Variants in ELF1 observed in about 807,000 individuals in gnomAD.
ELF1 encodes the protein ETS-related transcription factor Elf-1.
In ELF1, 24 loss-of-function variants were observed where a neutral mutation model predicts 59.9. The ratio of observed to expected loss-of-function variants is 0.40; its 90% CI spans 0.29 to 0.56. ELF1 has a LOEUF of 0.56. Ranked by LOEUF, ELF1 falls within the 20% of genes least tolerant of loss-of-function variation. The pLI is 0.44. For missense variants in ELF1, 627 were observed against 742.2 expected, an observed-to-expected ratio of 0.84 and a Z score of 1.80; for synonymous variants, 248 against 266.2, an observed-to-expected ratio of 0.93 and a Z score of 0.67.
chr13:40,988,629 G>A (rs907522910), intron 1 of ELF1, among the ~76,000 whole-genome samples: 1 of 152,224 alleles, frequency 6.6e-6, no homozygotes, highest in African/African-American at 2.4e-5. Context: ...AAGTCTTAGA[G>A]TTTTACTATT....
intron 1 of ELF1, among the ~76,000 whole-genome samples, chr13:41,045,384 G>C (rs1225684441): frequency 2.6e-5 from 4 of 151,942 alleles, no homozygotes; most frequent in African/African-American, 9.7e-5. Flanking sequence ...GTGATGTTAG[G>C]GTGTCAATTT....
chr13:40,982,165 G>T lies in ELF1; in HGVS notation c.-111C>A. 7.1e-7 allele frequency: 1 copy of T among 1,413,326 alleles called. No individual in the cohort carries two copies. The highest frequency in any genetic ancestry group is 1.5e-5 in the African/African-American group (1 of 68,316). 87.5% of individuals were successfully genotyped at this position (1,413,326 alleles called of 1,614,324 possible). ...TAAAAAACCCTCAGCTCTGTCTGTG[G>T]AGTAATTGTATACCCAAGTTTTCTT... On this transcript the variant is annotated 5_prime_UTR_variant, in exon 2 of 9. Coordinates refer to ENST00000239882, the MANE Select transcript of ELF1 (RefSeq NM_172373.4).
At position 40,951,343 on chromosome 13, in the gene ELF1, T is replaced by C. The variant is rs778071991; in HGVS notation, c.347A>G (p.Asp116Gly). ...LNMDSPGPML[D>G]EKRINNNIFS... ...TAATCACTCACTTATTCGTTTTTCA[T>C]CCAGCATAGGGCCAGGGGAATCCAT... Residue 116 changes from aspartate (D) to glycine (G), a missense_variant, in exon 4 of 9, where the codon GAT becomes GGT. Around this residue, in one of 3 missense-constraint regions of ELF1, gnomAD observed 232 missense variants for 269.2 expected, o/e 0.86. Transcript: ENST00000239882. 2.0e-5 allele frequency: 32 copies of C among 1,610,718 alleles called. No individual in the cohort carries two copies. In the Middle Eastern group the frequency reaches 9.9e-4, roughly 50 times the overall value.
chr13:40,968,483 C>T (rs966999936), intron 2 of ELF1, among the ~76,000 whole-genome samples: 2 of 152,176 alleles, frequency 1.3e-5, no homozygotes, highest in African/African-American at 4.8e-5. Context: ...TAGTGCCCCT[C>T]CTCAATGGTT....
At chr13:41,056,514 A>G (rs1442729193) in intron 1 of ELF1, among the ~76,000 whole-genome samples, 2 of 152,230 alleles carry the variant, frequency 1.3e-5, no homozygotes, top group East Asian at 3.9e-4. Context: ...ATACTGGATC[A>G]TATGGTAACT....
intron 1 of ELF1, among the ~76,000 whole-genome samples, chr13:41,045,888 A>G (rs1359029380): frequency 4.6e-5 from 7 of 152,212 alleles, no homozygotes; most frequent in Non-Finnish European, 8.8e-5. Context: ...GTGGGGTGCT[A>G]AAGTCTCCCA....
chr13:41,041,682 A>G (rs188021178), intron 1 of ELF1, among the ~76,000 whole-genome samples: 38 of 151,242 alleles, frequency 2.5e-4, no homozygotes, highest in South Asian at 1.0e-3. Flanking sequence ...TTCCAGGGGG[A>G]AAAAAAAAGG....
At chr13:40,959,132 G>A in intron 2 of ELF1, 116 bp from the exon 3 acceptor site, 1 of 1,344,762 alleles carries the variant, frequency 7.4e-7, no homozygotes, top group Non-Finnish European at 9.8e-7. Context: ...TAGATCATCA[G>A]GCTGTATCTC....
intron 1 of ELF1, among the ~76,000 whole-genome samples, chr13:40,992,218 C>A (rs958770178): frequency 9.2e-5 from 14 of 152,276 alleles, no homozygotes; most frequent in Admixed American, 6.5e-4. Flanking sequence ...TGCCCAAAGT[C>A]GCATGAGACA....
At chr13:40,960,787 C>A (rs1438337436) in intron 2 of ELF1, among the ~76,000 whole-genome samples, 1 of 152,144 alleles carries the variant, frequency 6.6e-6, no homozygotes, top group East Asian at 1.9e-4. Context: ...TCTCTATTAT[C>A]AAGTTACTAA....
chr13:40,959,042 T>A (rs768730181), intron 2 of ELF1, 26 bp from the exon 3 acceptor site: 3 of 1,568,534 alleles, frequency 1.9e-6, no homozygotes, highest in South Asian at 2.4e-5. Context: ...GAGAGGAAAA[T>A]GAAAACAAAG....
intron 4 of ELF1, 140 bp downstream of exon 4, chr13:40,951,189 T>G: frequency 1.6e-6 from 1 of 634,158 alleles, no homozygotes; most frequent in Non-Finnish European, 2.5e-6. Flanking sequence ...CAAAGGCACC[T>G]CAATTCCTAC....
exon 1 of ELF1, chr13:41,060,881 C>T: frequency 2.9e-6 from 1 of 344,388 alleles, no homozygotes; most frequent in Non-Finnish European, 5.7e-6. Flanking sequence ...GCACCTCTCG[C>T]CACCGCCGCC....
At chr13:40,959,512 AAATAAT>A (rs1238134694) in intron 2 of ELF1, among the ~76,000 whole-genome samples, 3 of 152,108 alleles carry the variant, frequency 2.0e-5, no homozygotes, top group Non-Finnish European at 4.4e-5. Context: ...TAAATAAAAT[AAATAAT>A]AATAATAAGA....
chr13:41,043,125 T>C (rs1876692954), intron 1 of ELF1, among the ~76,000 whole-genome samples: 2 of 152,256 alleles, frequency 1.3e-5, no homozygotes, highest in Admixed American at 6.5e-5. Flanking sequence ...TCTGCTCATA[T>C]CCTTCGCCCA....
At chr13:40,993,628 G>T (rs1035432158) in intron 1 of ELF1, among the ~76,000 whole-genome samples, 3 of 152,170 alleles carry the variant, frequency 2.0e-5, no homozygotes, top group Non-Finnish European at 2.9e-5. Flanking sequence ...CTATAGGTGT[G>T]TACTACCACA....
intron 8 of ELF1, among the ~76,000 whole-genome samples, chr13:40,937,478 A>C (rs1333877056): frequency 6.6e-6 from 1 of 152,074 alleles, no homozygotes; most frequent in East Asian, 1.9e-4. Context: ...AAGAGCTGAA[A>C]ATTTTTTTTG....
At chr13:41,044,561 T>C (rs1402272642) in intron 1 of ELF1, among the ~76,000 whole-genome samples, 1 of 152,340 alleles carries the variant, frequency 6.6e-6, no homozygotes. Flanking sequence ...CATGTGGTTT[T>C]TGTCTTTGGC....
At chr13:40,953,286 C>T (rs908230371) in intron 3 of ELF1, among the ~76,000 whole-genome samples, 5 of 152,136 alleles carry the variant, frequency 3.3e-5, no homozygotes, top group African/African-American at 9.7e-5. Context: ...TACAGTAATT[C>T]TTTAATATCA....
Sources: allele counts gnomAD v4.1 joint callset (sites outside exome capture counted in the v4.1 genomes callset), GRCh38; gene constraint gnomAD v4.1.1; regional missense constraint gnomAD v4.1.1; transcripts MANE v1.5; gene names NCBI Gene and HGNC (gene_info 2026-07-23, HGNC 2026-07-21).